EYS: variants seen among roughly 807,000 people sequenced by gnomAD.
The protein encoded by EYS is protein eyes shut homolog.
EYS carries 250 observed loss-of-function variants against 282.1 expected under a neutral mutation model. That is an observed-to-expected ratio of 0.89 (90% confidence interval 0.80 to 0.98). EYS has a LOEUF of 0.98. Among genes scored for constraint, EYS ranks in the 50% least tolerant of loss-of-function variants. EYS has a pLI of 0.00. For missense variants in EYS, 4,016 were observed against 3,709.0 expected, an observed-to-expected ratio of 1.08 and a Z score of -2.15; for synonymous variants, 1,355 against 1,282.9, an observed-to-expected ratio of 1.06 and a Z score of -1.20.
At chr6:65,055,687 T>C (rs1014513079) in intron 13 of EYS, among the ~76,000 whole-genome samples, 2 of 152,090 alleles carry the variant, frequency 1.3e-5, no homozygotes, top group African/African-American at 4.8e-5. Flanking sequence ...CAAGTATTTT[T>C]TAGAATGTCT....
chr6:65,514,344 C>T (rs1414229330), intron 2 of EYS, among the ~76,000 whole-genome samples: 1 of 152,132 alleles, frequency 6.6e-6, no homozygotes, highest in Admixed American at 6.6e-5. Flanking sequence ...GAATCAATAT[C>T]GTGAAAATGG....
At chr6:64,022,397 C>A (rs563213200) in intron 33 of EYS, among the ~76,000 whole-genome samples, 1 of 152,056 alleles carries the variant, frequency 6.6e-6, no homozygotes, top group African/African-American at 2.4e-5. Context: ...GTTTTTAGTG[C>A]GCTAAAATAT....
chr6:65,096,916 A>G lies in EYS; in HGVS notation c.2024-39189T>C, dbSNP rs1454669771. ...AACTCTTAGAAAAAAATTATGAGGA[A>G]AAGCTCTTGACATTGGCCCTATCAA... On this transcript the variant is annotated intron_variant, in intron 12 of 42. Transcript: ENST00000503581. Among the ~76,000 whole-genome samples, 3 of 150,998 alleles carry G rather than the reference A, an allele frequency of 2.0e-5. No homozygotes were observed. The Admixed American group carries it at 2.0e-4, about 10-fold the overall frequency.
chr6:63,847,271 A>G (rs1350152949), intron 36 of EYS, among the ~76,000 whole-genome samples: 2 of 152,196 alleles, frequency 1.3e-5, no homozygotes, highest in East Asian at 3.8e-4. Context: ...ACATTGTGGG[A>G]AAACATGTAG....
chr6:64,176,331 CAAG>C (rs1465634245), intron 31 of EYS, among the ~76,000 whole-genome samples: 6 of 152,014 alleles, frequency 3.9e-5, no homozygotes, highest in African/African-American at 9.7e-5. Flanking sequence ...GGAGAAGACA[CAAG>C]AAGAAGTAAC....
chr6:65,622,213 A>G (rs923235828), intron 2 of EYS, among the ~76,000 whole-genome samples: 3 of 152,166 alleles, frequency 2.0e-5, no homozygotes, highest in Non-Finnish European at 1.5e-5. Flanking sequence ...CACACAGGTT[A>G]GACACAGAGG....
At chr6:65,363,339 A>G (rs1764786164) in intron 8 of EYS, among the ~76,000 whole-genome samples, 1 of 152,024 alleles carries the variant, frequency 6.6e-6, no homozygotes, top group Non-Finnish European at 1.5e-5. Context: ...CAAACTTCTT[A>G]TAATAGTGGC....
intron 11 of EYS, among the ~76,000 whole-genome samples, chr6:65,301,288 G>A (rs1010142602): frequency 7.2e-5 from 11 of 152,228 alleles, no homozygotes; most frequent in African/African-American, 2.2e-4. Flanking sequence ...GAGGTCAGGA[G>A]ATCGAGACCA....
chr6:63,993,023 G>A (rs1767674224), intron 34 of EYS, among the ~76,000 whole-genome samples: 1 of 151,586 alleles, frequency 6.6e-6, no homozygotes, highest in Non-Finnish European at 1.5e-5. Context: ...TCTCCTTCCT[G>A]CCTTACAAGG....
chr6:64,125,147 A>ACTCTCT (rs747610398), intron 31 of EYS, among the ~76,000 whole-genome samples: 3,397 of 147,162 alleles, frequency 0.023, 51 homozygotes, highest in Non-Finnish European at 0.038. Flanking sequence ...ACACACACAC[A>ACTCTCT]CTCTCTGTCT....
intron 26 of EYS, among the ~76,000 whole-genome samples, chr6:64,471,541 C>A (rs181434834): frequency 7.0e-6 from 1 of 143,074 alleles, no homozygotes; most frequent in South Asian, 2.2e-4. Flanking sequence ...GTTAAAAGAC[C>A]TCTATAAGGG....
At chr6:65,620,752 G>T (rs1435865099) in intron 2 of EYS, among the ~76,000 whole-genome samples, 3 of 151,622 alleles carry the variant, frequency 2.0e-5, no homozygotes, top group Non-Finnish European at 4.4e-5. Context: ...GGCATGTTGT[G>T]TCTTTGTTCT....
chr6:65,415,686 C>T (rs1767203117), intron 5 of EYS, among the ~76,000 whole-genome samples: 1 of 152,002 alleles, frequency 6.6e-6, no homozygotes, highest in African/African-American at 2.4e-5. Flanking sequence ...CAGGCAGAGC[C>T]TGGAGATCTC....
In EYS at chr6:64,490,440, A is replaced by C. The variant is rs377216117; in HGVS notation, c.5645-51088T>G. Among the ~76,000 whole-genome samples the C allele has an allele frequency of 5.3e-5, 8 of 150,908 alleles. No homozygotes were observed. The East Asian group carries it at 1.5e-3, about 29-fold the overall frequency. ...AATCAATATTTTACAATACACATTA[A>C]AAGCAATTTTTATCATCAATAACAG... On this transcript the variant is annotated intron_variant, in intron 26 of 42. Transcript: ENST00000503581.
intron 26 of EYS, among the ~76,000 whole-genome samples, chr6:64,564,462 T>C (rs1765499512): frequency 6.6e-6 from 1 of 151,506 alleles, no homozygotes; most frequent in Admixed American, 6.6e-5. Context: ...TTATTATTTT[T>C]AATAGAGAAG....
At chr6:65,536,100 C>A (rs751042519) in intron 2 of EYS, among the ~76,000 whole-genome samples, 1 of 151,986 alleles carries the variant, frequency 6.6e-6, no homozygotes, top group South Asian at 2.1e-4. Context: ...TAGAATGATA[C>A]ATTCAAGTAA....
At chr6:65,097,789 A>T (rs1774780649) in intron 12 of EYS, among the ~76,000 whole-genome samples, 1 of 147,824 alleles carries the variant, frequency 6.8e-6, no homozygotes, top group African/African-American at 2.6e-5. Context: ...AATAGGAAGT[A>T]CCTAAAATAA....
intron 31 of EYS, among the ~76,000 whole-genome samples, chr6:64,107,091 A>G (rs902281191): frequency 4.0e-5 from 6 of 150,722 alleles, no homozygotes; most frequent in Non-Finnish European, 8.9e-5. Context: ...GACTTTTTCC[A>G]CTGAAGCCTT....
At chr6:65,481,611 C>T (rs542075691) in intron 5 of EYS, among the ~76,000 whole-genome samples, 53 of 152,280 alleles carry the variant, frequency 3.5e-4, no homozygotes, top group Admixed American at 1.1e-3. Flanking sequence ...TGCAGTGGCG[C>T]GATCTCGGCT....
Sources: gnomAD v4.1 joint callset for allele counts (sites outside exome capture counted in the v4.1 genomes callset) on GRCh38, gnomAD v4.1.1 for gene constraint, MANE v1.5 for transcripts, NCBI Gene and HGNC (gene_info 2026-07-23, HGNC 2026-07-21) for gene names.